Variants in HDAC4 observed in about 807,000 individuals in gnomAD.
HDAC4 encodes histone deacetylase 4.
HDAC4 carries 16 observed loss-of-function variants against 135.1 expected under a neutral mutation model. That is an observed-to-expected ratio of 0.12 (90% CI 0.08 to 0.18). The LOEUF (loss-of-function observed/expected upper bound fraction) is 0.18. Ranked by LOEUF, HDAC4 falls within the 10% of genes least tolerant of loss-of-function variation. HDAC4 has a pLI of 1.00. For missense variants in HDAC4, 1,143 were observed against 1,511.8 expected (o/e 0.76, Z 4.05); for synonymous variants, 685 against 653.4 (o/e 1.05, Z -0.74).
Position 239,203,657 on chromosome 2 carries a change from G to T in HDAC4, c.95-13580C>A, listed in dbSNP as rs945426868. On this transcript the variant is annotated intron_variant, in intron 3 of 26. Transcript: ENST00000543185. ...TGACTGCCGTGGTGACTGCCAAGGCGACCACAGACAGTTGCCCATCCCTGA... is the reference window on the plus strand; with the variant it reads ...TGACTGCCGTGGTGACTGCCAAGGCTACCACAGACAGTTGCCCATCCCTGA... Among the ~76,000 whole-genome samples, 6 of 152,164 alleles carry T rather than the reference G, an allele frequency of 3.9e-5. No homozygotes were observed. In the East Asian group the frequency reaches 1.2e-3, roughly 29 times the overall value.
chr2:239,053,705 T>C (rs1034522992), intron 25 of HDAC4, 104 bp from the exon 26 acceptor site: 2 of 935,742 alleles, frequency 2.1e-6, no homozygotes, highest in Admixed American at 2.3e-5. Flanking sequence ...ACCAGATTGA[T>C]CCCTTATGAT....
intron 22 of HDAC4, among the ~76,000 whole-genome samples, chr2:239,071,903 G>A (rs1268756745): frequency 6.6e-6 from 1 of 152,078 alleles, no homozygotes; most frequent in Non-Finnish European, 1.5e-5. Context: ...TGTTAATTGT[G>A]GGTCCTCTAC....
At chr2:239,184,718 G>T (rs2044411924) in intron 4 of HDAC4, among the ~76,000 whole-genome samples, 1 of 124,862 alleles carries the variant, frequency 8.0e-6, no homozygotes, top group Non-Finnish European at 1.7e-5. Context: ...CTATGGGGGG[G>T]TCCCTCAGTG....
At chr2:239,323,665 C>A (rs966509114) in intron 2 of HDAC4, among the ~76,000 whole-genome samples, 1 of 152,028 alleles carries the variant, frequency 6.6e-6, no homozygotes, top group Non-Finnish European at 1.5e-5. Flanking sequence ...TGCTTCTTCA[C>A]GTGTGGACAT....
chr2:239,367,946 C>A (rs1477989058), intron 1 of HDAC4, among the ~76,000 whole-genome samples: 1 of 152,030 alleles, frequency 6.6e-6, no homozygotes, highest in Non-Finnish European at 1.5e-5. Flanking sequence ...CCACTGCACT[C>A]CAGCCTGGGC....
Position 239,089,743 on chromosome 2 carries a change from TA to T in HDAC4, c.2388+265del, listed in dbSNP as rs1359729195. On this transcript the variant is annotated intron_variant, in intron 18 of 26. Coordinates refer to ENST00000543185, the MANE Select transcript of HDAC4 (RefSeq NM_001378414.1). ...CTCTTTGGAGCTTTTTTTTTTTTTT[TA>T]AGAGTATAAATTTTTAAGAGTATAA... 3,366 of 358,174 alleles carry T rather than the reference TA, an allele frequency of 9.4e-3. 20 individuals carry two copies. The highest frequency in any genetic ancestry group is 0.026 in the South Asian group (527 of 20,634). The allele number at this position is 358,174 out of a possible 1,614,324, so 22.2% of individuals were successfully genotyped here.
chr2:239,354,652 C>G (rs1693378734), intron 1 of HDAC4, among the ~76,000 whole-genome samples: 1 of 147,984 alleles, frequency 6.8e-6, no homozygotes, highest in South Asian at 2.1e-4. Flanking sequence ...ACCCCCGCCC[C>G]CAAGGCTGGC....
At chr2:239,169,737 G>A (rs1473520058) in intron 5 of HDAC4, among the ~76,000 whole-genome samples, 2 of 152,134 alleles carry the variant, frequency 1.3e-5, no homozygotes, top group Non-Finnish European at 2.9e-5. Flanking sequence ...GACCAGGCGT[G>A]CGTGTGTGCA....
At chr2:239,201,948 A>G (rs1022313617) in intron 3 of HDAC4, among the ~76,000 whole-genome samples, 4 of 152,206 alleles carry the variant, frequency 2.6e-5, no homozygotes, top group African/African-American at 9.6e-5. Flanking sequence ...TGCATGCATA[A>G]TAAGGTATGA....
intron 1 of HDAC4, among the ~76,000 whole-genome samples, chr2:239,398,843 G>A (rs921654248): frequency 6.6e-6 from 1 of 152,224 alleles, no homozygotes; most frequent in Non-Finnish European, 1.5e-5. Flanking sequence ...GCTCCCCCGG[G>A]GGCATGCCTG....
intron 11 of HDAC4, 60 bp downstream of exon 11, chr2:239,134,185 C>T: frequency 7.1e-7 from 1 of 1,399,906 alleles, no homozygotes; most frequent in Non-Finnish European, 1.0e-6. Context: ...GAAGGCGGGG[C>T]ACCATCCAGA....
chr2:239,356,134 A>G (rs549181248), intron 1 of HDAC4, among the ~76,000 whole-genome samples: 8 of 152,358 alleles, frequency 5.3e-5, no homozygotes, highest in Non-Finnish European at 1.0e-4. Context: ...AGAACATTAC[A>G]TTAAGAAAAA....
intron 1 of HDAC4, among the ~76,000 whole-genome samples, chr2:239,360,792 C>A (rs1693815681): frequency 6.6e-6 from 1 of 152,252 alleles, no homozygotes; most frequent in Non-Finnish European, 1.5e-5. Flanking sequence ...TTCTCTCACC[C>A]TGGACCAGTT....
chr2:239,176,460 C>T lies in HDAC4; in HGVS notation c.443G>A (p.Arg148Gln), dbSNP rs770211349. ...RQEQELEKQH[R>Q]EQKLQQLKNK... ...CTTGAGCTGCTGCAGCTTCTGCTCC[C>T]GGTGCTGCTTCTCCAGCTCCTGCTC... is the stretch of plus-strand genomic sequence containing the variant. Residue 148 changes from arginine (R) to glutamine (Q), a missense_variant, in exon 5 of 27, where the codon CGG becomes CAG. Transcript: ENST00000543185. 2.8e-5 allele frequency: 45 copies of T among 1,612,876 alleles called. No homozygotes were observed. The highest frequency in any genetic ancestry group is 5.0e-5 in the Admixed American group (3 of 59,988).
At chr2:239,102,961 A>G (rs375659525) in intron 15 of HDAC4, 65 bp from the exon 16 acceptor site, 11 of 1,603,640 alleles carry the variant, frequency 6.9e-6, no homozygotes, top group East Asian at 6.7e-5. Flanking sequence ...CTCCACAGAC[A>G]GAAACTCCAA....
At chr2:239,343,994 G>A (rs905505103) in intron 2 of HDAC4, among the ~76,000 whole-genome samples, 18 of 152,280 alleles carry the variant, frequency 1.2e-4, no homozygotes, top group Non-Finnish European at 1.5e-4. Flanking sequence ...TGTTCATTTC[G>A]TTCTCTTAAA....
Position 239,285,435 on chromosome 2 carries a change from T to C in HDAC4, c.23-48771A>G, listed in dbSNP as rs1420785917. On this transcript the variant is annotated intron_variant, in intron 2 of 26. Transcript: ENST00000543185. This position sits in a 1 kb window ranked among gnomAD's most constrained non-coding sequence, Gnocchi z 4.5. ...TTACAGCAAGGGGTTCCACCGAGGC[T>C]GGGGCTTCGCTAGTGTGCGGGGAGG... is the stretch of plus-strand genomic sequence containing the variant. 6.6e-6 allele frequency among the ~76,000 whole-genome samples: 1 copy of C among 152,078 alleles called. No individual in the cohort carries two copies. The highest frequency in any genetic ancestry group is 1.5e-5 in the Non-Finnish European group (1 of 68,002).
intron 11 of HDAC4, among the ~76,000 whole-genome samples, chr2:239,132,072 C>T (rs183565735): frequency 3.2e-4 from 48 of 152,138 alleles, no homozygotes; most frequent in East Asian, 1.2e-3. Flanking sequence ...ACACTGAGGA[C>T]GGACAGGGGC....
rs776577136 is a variant in HDAC4 at position 239,189,859 on chromosome 2, C to T, written c.313G>A (p.Glu105Lys). The T allele has an allele frequency of 5.6e-6, 9 of 1,608,812 alleles. No individual in the cohort carries two copies. Among genetic ancestry groups the T allele is most frequent in the South Asian group, 2.2e-5 (2 of 90,984 alleles). Reference sequence around the variant, plus strand: ...TTGATGTGCTCGTGGAGCTGCGCCTCGTGCTGCCGGGAGAGCTGCTCGTGC... The same window carrying T: ...TTGATGTGCTCGTGGAGCTGCGCCTTGTGCTGCCGGGAGAGCTGCTCGTGC... ...RQHEQLSRQH[E>K]AQLHEHIKQQ... The change falls in exon 4 of 27, where the codon GAG (glutamate) becomes AAG (lysine). Residue 105 changes from glutamate to lysine, a missense_variant. Glu to Lys is a moderately conservative substitution (Grantham distance 56, BLOSUM62 1). Transcript: ENST00000543185.
Sources: gnomAD v4.1 joint callset for allele counts (sites outside exome capture counted in the v4.1 genomes callset) on GRCh38, gnomAD v4.1.1 for gene constraint, Gnocchi (gnomAD v3.1) non-coding constraint, MANE v1.5 for transcripts, NCBI Gene and HGNC (gene_info 2026-07-23, HGNC 2026-07-21) for gene names.